The following ZNF398 variants were observed in gnomAD, a reference collection of about 807,000 sequenced individuals.
ZNF398 encodes the protein zinc finger DNA binding protein ZER6.
In ZNF398, 18 loss-of-function variants were observed where a neutral mutation model predicts 41.9. That is an observed-to-expected ratio of 0.43 (90% confidence interval 0.30 to 0.64). The LOEUF (loss-of-function observed/expected upper bound fraction) is 0.64, where lower values mean the gene tolerates loss of function less well. Among genes scored for constraint, ZNF398 ranks in the 30% least tolerant of loss-of-function variants. ZNF398 has a pLI of 0.14. For synonymous variants in ZNF398, 260 were observed against 308.8 expected (o/e 0.84, Z 1.66); for missense variants, 669 against 822.8 (o/e 0.81, Z 2.29).
At chr7:149,170,193 G>A (rs1490492935) in intron 4 of ZNF398, among the ~76,000 whole-genome samples, 1 of 152,170 alleles carries the variant, frequency 6.6e-6, no homozygotes, top group East Asian at 1.9e-4. Context: ...GCTGAACAAT[G>A]GGGATATCTT....
Position 149,176,636 on chromosome 7 carries a change from G to T in ZNF398, c.775+55G>T. The T allele has an allele frequency of 2.5e-6, 3 of 1,204,522 alleles. No individual in the cohort carries two copies. The South Asian group carries it at 4.5e-5, about 18-fold the overall frequency. 74.6% of individuals were successfully genotyped at this position (1,204,522 alleles called of 1,614,324 possible). The stretch of plus-strand genomic sequence containing the variant: ...TCCATATCCAGCTCATGCCAGGACT[G>T]ACTGAAGAAACAGCAGGTGAAATTT... On this transcript the variant is annotated intron_variant, in intron 5 of 5. Coordinates refer to ENST00000475153, the MANE Select transcript of ZNF398 (RefSeq NM_170686.3).
chr7:149,174,337 G>A (rs779464765), intron 4 of ZNF398, among the ~76,000 whole-genome samples: 33 of 151,802 alleles, frequency 2.2e-4, no homozygotes, highest in Non-Finnish European at 4.0e-4. Context: ...AGCTAGGCGC[G>A]TGCCACCACA....
Position 149,179,369 on chromosome 7 carries a change from C to A in ZNF398, c.1497C>A (p.Ile499=), listed in dbSNP as rs146774123. 6.2e-7 allele frequency: 1 copy of A among 1,612,802 alleles called. No homozygotes were observed. Among genetic ancestry groups the A allele is most frequent in the Admixed American group, 1.7e-5 (1 of 59,958 alleles). ...GIDFNGHSAL[I]RHQMIHTGER... ...ACTTCAACGGCCACTCGGCCCTGAT[C>A]CGCCACCAGATGATCCACACAGGCG... The change falls in exon 6 of 6, where the codon ATC becomes ATA. Residue 499 remains isoleucine (I), a synonymous_variant. Coordinates refer to ENST00000475153, the MANE Select transcript of ZNF398 (RefSeq NM_170686.3). The surrounding 1 kb of genome is among the most constrained non-coding windows in gnomAD (Gnocchi z 6.1).
chr7:149,163,226 C>A (rs2129520945), intron 2 of ZNF398, among the ~76,000 whole-genome samples: 1 of 152,132 alleles, frequency 6.6e-6, no homozygotes, highest in Middle Eastern at 3.4e-3. Flanking sequence ...TTTTTTCAGA[C>A]AGAGTTTCAC....
chr7:149,179,924 G>A lies in ZNF398; in HGVS notation c.*123G>A. 2.2e-6 allele frequency: 2 copies of A among 914,390 alleles called. No homozygotes were observed. Among genetic ancestry groups the A allele is most frequent in the Non-Finnish European group, 3.1e-6 (2 of 642,676 alleles). The allele number at this position is 914,390 out of a possible 1,614,324, so 56.6% of individuals were successfully genotyped here. ...TTATCTGGCACATCAATGAATTTGG[G>A]GTCCTATACACTTGACTAGAGACAT... is the stretch of plus-strand genomic sequence containing the variant. On this transcript the variant is annotated 3_prime_UTR_variant, in exon 6 of 6. Coordinates refer to ENST00000475153, the MANE Select transcript of ZNF398 (RefSeq NM_170686.3). The surrounding 1 kb of genome is among the most constrained non-coding windows in gnomAD (Gnocchi z 6.1).
At chr7:149,170,593 G>T (rs1795313947) in intron 4 of ZNF398, among the ~76,000 whole-genome samples, 1 of 152,006 alleles carries the variant, frequency 6.6e-6, no homozygotes, top group Non-Finnish European at 1.5e-5. Flanking sequence ...AAATTAGCCA[G>T]CCATGGTGGT....
chr7:149,168,410 G>GT (rs1252176239), intron 4 of ZNF398, among the ~76,000 whole-genome samples: 5 of 151,954 alleles, frequency 3.3e-5, no homozygotes, highest in Non-Finnish European at 5.9e-5. Context: ...TTCAAAATCA[G>GT]TGAAGACATC....
chr7:149,179,573 C>A lies in ZNF398; in HGVS notation c.1701C>A (p.Tyr567Ter). The A allele has an allele frequency of 6.2e-7, 1 of 1,614,250 alleles. No individual in the cohort carries two copies. Among genetic ancestry groups the A allele is most frequent in the Non-Finnish European group, 8.5e-7 (1 of 1,180,044 alleles). The change falls in exon 6 of 6, where the codon TAC (tyrosine) becomes TAA (stop). Residue 567 changes from tyrosine (Y) to a stop codon, truncating the protein, a stop_gained. Transcript: ENST00000475153. LOFTEE classifies it high-confidence loss of function. This position sits in a 1 kb window ranked among gnomAD's most constrained non-coding sequence, Gnocchi z 6.1. The stretch of plus-strand genomic sequence containing the variant: ...GCATCCACACCGGGGAGCGGCCCTA[C>A]CCCTGCTCCTACTGTGGCAGGAGCT... ...HQRIHTGERP[Y>*]PCSYCGRSFR... is the part of the protein sequence containing the mutation.
intron 1 of ZNF398, among the ~76,000 whole-genome samples, chr7:149,149,433 C>G (rs989238668): frequency 1.3e-5 from 2 of 151,914 alleles, no homozygotes; most frequent in South Asian, 2.1e-4. Context: ...GGGGTTTCAC[C>G]GTGTTTGCCG....
At chr7:149,166,330 A>C (rs1795225506) in intron 3 of ZNF398, 46 bp downstream of exon 3, 3 of 1,091,882 alleles carry the variant, frequency 2.7e-6, no homozygotes, top group Non-Finnish European at 3.7e-6. Flanking sequence ...AGCAGCTCCA[A>C]GAGGGCTCAG....
rs141087114 is a variant in ZNF398, at chr7:149,178,739, A to G, written c.867A>G (p.Ala289=). The change falls in exon 6 of 6, where the codon GCA becomes GCG. Residue 289 remains alanine (A), a synonymous_variant. Transcript: ENST00000475153. ...PVPFSSPPAA[A]KDAFSDVAFK... ...CTTTCTCTTCTCCACCAGCAGCAGC[A>G]AAGGATGCTTTTTCAGATGTGGCTT... 9.9e-5 allele frequency: 160 copies of G among 1,614,228 alleles called. No individual in the cohort carries two copies. The African/African-American group carries it at 1.9e-3, about 19-fold the overall frequency.
At position 149,166,236 on chromosome 7, in the gene ZNF398, C is replaced by T; in HGVS notation, c.499C>T (p.Leu167Phe). 1 of 1,614,062 alleles carries T rather than the reference C, an allele frequency of 6.2e-7. No individual in the cohort carries two copies. Among genetic ancestry groups the T allele is most frequent in the Non-Finnish European group, 8.5e-7 (1 of 1,179,994 alleles). ...AAAATTAGAAGAATGGCAAAAGGAA[C>T]TTTACAAGAATATCATGAAGGGCAA... ...WEKLEEWQKE[L>F]YKNIMKGNYE... The change falls in exon 3 of 6, where the codon CTT becomes TTT. Residue 167 changes from leucine to phenylalanine, a missense_variant. Around this residue, in one of 3 missense-constraint regions of ZNF398, gnomAD observed 169 missense variants for 239.5 expected, o/e 0.71. Transcript: ENST00000475153.
At chr7:149,157,428 G>T (rs1203015704) in intron 2 of ZNF398, among the ~76,000 whole-genome samples, 1 of 151,846 alleles carries the variant, frequency 6.6e-6, no homozygotes, top group Non-Finnish European at 1.5e-5. Flanking sequence ...CCAGCTACTC[G>T]GGAGGCTGAG....
intron 4 of ZNF398, among the ~76,000 whole-genome samples, chr7:149,168,120 C>T (rs1490044678): frequency 6.6e-6 from 1 of 151,944 alleles, no homozygotes; most frequent in Admixed American, 6.6e-5. Flanking sequence ...ACTCTGTCGC[C>T]CAGGCTGGAA....
chr7:149,153,733 G>C (rs1179544761), intron 1 of ZNF398, among the ~76,000 whole-genome samples: 3 of 152,170 alleles, frequency 2.0e-5, no homozygotes, highest in African/African-American at 7.2e-5. Context: ...TTAATTCACT[G>C]TCTTACCCAA....
At chr7:149,153,465 C>G (rs1304200877) in intron 1 of ZNF398, among the ~76,000 whole-genome samples, 62 of 152,134 alleles carry the variant, frequency 4.1e-4, no homozygotes, top group Admixed American at 3.9e-3. Flanking sequence ...GAAAACAGCT[C>G]TCATGTTTTC....
chr7:149,142,418 A>G (rs944977025), intron 2 of ZNF398, among the ~76,000 whole-genome samples: 1 of 152,342 alleles, frequency 6.6e-6, no homozygotes, highest in Admixed American at 6.5e-5. Flanking sequence ...CTGTAATCCC[A>G]GCACTTTGGG....
chr7:149,154,155 G>A lies in ZNF398; in HGVS notation c.235G>A (p.Ala79Thr), dbSNP rs1794920149. ...GRTGTAEKKL[A>T]SCEKTVTELG... ...GACAGGGACAGCAGAGAAGAAACTAGCCAGCTGTGAAAAGACAGTTACCGA... is the reference window on the plus strand; with the variant it reads ...GACAGGGACAGCAGAGAAGAAACTAACCAGCTGTGAAAAGACAGTTACCGA... Residue 79 changes from alanine (A) to threonine (T), a missense_variant, in exon 2 of 6, where the codon GCC becomes ACC. Physicochemically the swap from Ala to Thr is moderately conservative, Grantham distance 58. This residue lies in a region of ZNF398 where 169 missense variants were observed against 239.5 expected (regional missense o/e 0.71). Coordinates refer to ENST00000475153, the MANE Select transcript of ZNF398 (RefSeq NM_170686.3). 1 of 1,614,082 alleles carries A rather than the reference G, an allele frequency of 6.2e-7. No individual in the cohort carries two copies. The highest frequency in any genetic ancestry group is 8.5e-7 in the Non-Finnish European group (1 of 1,180,052).
intron 2 of ZNF398, among the ~76,000 whole-genome samples, chr7:149,139,363 G>A (rs1436875155): frequency 6.6e-6 from 1 of 152,102 alleles, no homozygotes; most frequent in Non-Finnish European, 1.5e-5. Context: ...CTGGTCTATT[G>A]TTACTGTGTG....
Sources: allele counts gnomAD v4.1 joint callset (sites outside exome capture counted in the v4.1 genomes callset), GRCh38; gene constraint gnomAD v4.1.1; regional missense constraint gnomAD v4.1.1; non-coding constraint Gnocchi (gnomAD v3.1); transcripts MANE v1.5; gene names NCBI Gene and HGNC (gene_info 2026-07-23, HGNC 2026-07-21).